Variants in PATJ observed in about 807,000 individuals in gnomAD.
PATJ encodes the protein PATJ crumbs cell polarity complex component, also known as inaD-like protein.
Under a neutral mutation model 224.9 loss-of-function variants are expected in PATJ, and 190 were observed. The ratio of observed to expected loss-of-function variants is 0.84; its 90% confidence interval spans 0.75 to 0.95. The LOEUF is 0.95. Ranked by LOEUF, PATJ falls within the 40% of genes least tolerant of loss-of-function variation. The pLI, the probability that PATJ is intolerant of heterozygous loss-of-function variation, is 0.00. For missense variants in PATJ, 2,121 were observed against 2,270.3 expected, an observed-to-expected ratio of 0.93 and a Z score of 1.34; for synonymous variants, 769 against 820.3, an observed-to-expected ratio of 0.94 and a Z score of 1.07.
rs1558096259 is a variant in PATJ, at chr1:62,051,015, A to G, written c.4082A>G (p.Glu1361Gly). Residue 1361 changes from glutamate (E) to glycine (G), a missense_variant, in exon 31 of 44, where the codon GAA becomes GGA. Glu to Gly is a moderately conservative substitution (Grantham distance 98). Coordinates refer to ENST00000642238, the MANE Select transcript of PATJ (RefSeq NM_001350145.3). ...AGTAGTGAGGAAGATGGCAGCGTCG[A>G]AGTTGGTATTAAACAATTGCCTGAA... ...PISSEEDGSV[E>G]VGIKQLPESE... is the part of the protein sequence containing the mutation. The G allele has an allele frequency of 1.2e-6, 2 of 1,614,026 alleles. No individual in the cohort carries two copies. Among genetic ancestry groups the G allele is most frequent in the Non-Finnish European group, 1.7e-6 (2 of 1,179,884 alleles).
chr1:62,093,172 A>G (rs1048164043), intron 33 of PATJ, among the ~76,000 whole-genome samples: 2 of 152,228 alleles, frequency 1.3e-5, no homozygotes, highest in Non-Finnish European at 1.5e-5. Flanking sequence ...AGCAAGAAAT[A>G]TCATGGTAGA....
rs1180544696 is a variant in PATJ at position 62,144,769 on chromosome 1, A to AT, written c.5272-3515_5272-3514insT. 3.3e-3 allele frequency among the ~76,000 whole-genome samples: 191 copies of AT among 58,616 alleles called. 6 individuals are homozygous for AT. Among genetic ancestry groups the AT allele is most frequent in the African/African-American group, 0.012 (181 of 15,198 alleles). The allele number at this position is 58,616 out of a possible 152,430, so 38.5% of individuals were successfully genotyped here. The stretch of plus-strand genomic sequence containing the variant: ...AAATGCTCTAGAATGTTATTTGCAA[A>AT]AAAAAAAAATATATATATATATATA... On this transcript the variant is annotated intron_variant, in intron 41 of 43. Coordinates refer to ENST00000642238, the MANE Select transcript of PATJ (RefSeq NM_001350145.3).
chr1:61,876,213 G>C (rs978426775), intron 21 of PATJ, among the ~76,000 whole-genome samples: 2 of 152,070 alleles, frequency 1.3e-5, no homozygotes, highest in Admixed American at 1.3e-4. Context: ...AGGCGTCTCT[G>C]AGATGATAAC....
At chr1:62,077,492 C>A (rs530153019) in intron 31 of PATJ, among the ~76,000 whole-genome samples, 61 of 152,022 alleles carry the variant, frequency 4.0e-4, no homozygotes, top group Admixed American at 6.5e-4. Context: ...AGTTCGAGAC[C>A]AGCCTGGGCA....
chr1:61,918,511 G>A (rs143576142), intron 26 of PATJ, among the ~76,000 whole-genome samples: 1 of 151,802 alleles, frequency 6.6e-6, no homozygotes, highest in Non-Finnish European at 1.5e-5. Flanking sequence ...GGGTCTTACC[G>A]TGTTGCCCAG....
chr1:62,092,691 C>T (rs934280396), intron 33 of PATJ, among the ~76,000 whole-genome samples: 1 of 152,054 alleles, frequency 6.6e-6, no homozygotes, highest in African/African-American at 2.4e-5. Flanking sequence ...ACAGGGATTA[C>T]AGGTGTGAGC....
intron 27 of PATJ, among the ~76,000 whole-genome samples, chr1:61,984,890 A>G (rs1043079668): frequency 6.6e-6 from 1 of 152,076 alleles, no homozygotes; most frequent in African/African-American, 2.4e-5. Flanking sequence ...GAGGTCCTTG[A>G]AAACAAATTC....
rs1476346507 is a variant in PATJ, at chr1:61,861,576, A to G, written c.2348A>G (p.Tyr783Cys). 2.0e-5 allele frequency: 28 copies of G among 1,433,846 alleles called. No individual in the cohort carries two copies. The highest frequency in any genetic ancestry group is 2.6e-5 in the Non-Finnish European group (28 of 1,058,654). The allele number at this position is 1,433,846 out of a possible 1,614,324, so 88.8% of individuals were successfully genotyped here. The change falls in exon 19 of 44, where the codon TAT becomes TGT. Residue 783 changes from tyrosine to cysteine, a missense_variant. Coordinates refer to ENST00000642238, the MANE Select transcript of PATJ (RefSeq NM_001350145.3). ...GAAGATAATGAAGAAGAAAGTTGTT[A>G]TATTTTACATTCAAGCAGTAATGAA... ...LVEDNEEESC[Y>C]ILHSSSNEDK...
In PATJ at chr1:61,763,111, A is replaced by G; in HGVS notation, c.121A>G (p.Thr41Ala). The G allele has an allele frequency of 6.2e-7, 1 of 1,610,492 alleles. No homozygotes were observed. The highest frequency in any genetic ancestry group is 8.5e-7 in the Non-Finnish European group (1 of 1,177,730). Residue 41 changes from threonine (T) to alanine (A), a missense_variant, in exon 3 of 44, where the codon ACA (threonine) becomes GCA (alanine). Transcript: ENST00000642238. Reference protein sequence around the residue: ...QNEKLSMFYETLKSPLFNQIL... With the variant: ...QNEKLSMFYEALKSPLFNQIL... ...TGAGAAGTTATCTATGTTTTATGAG[A>G]CACTAAAGAGTCCTCTCTTCAACCA...
chr1:61,772,194 G>A (rs1325929046), intron 6 of PATJ, among the ~76,000 whole-genome samples: 3 of 147,586 alleles, frequency 2.0e-5, no homozygotes, highest in South Asian at 4.5e-4. Flanking sequence ...AGTATTAGGT[G>A]TAATTTATTT....
intron 1 of PATJ, among the ~76,000 whole-genome samples, chr1:61,761,419 G>T (rs899823083): frequency 2.0e-5 from 3 of 152,074 alleles, no homozygotes; most frequent in African/African-American, 4.8e-5. Context: ...CTAAGTTTTC[G>T]GTTGGGGCCC....
chr1:62,152,156 T>C (rs1668696319), intron 42 of PATJ, among the ~76,000 whole-genome samples: 1 of 152,152 alleles, frequency 6.6e-6, no homozygotes. Flanking sequence ...AAAGAGGTTA[T>C]AGTCTGGTAG....
rs956224779 is a variant in PATJ, at chr1:61,869,218, T to C, written c.2835+4585T>C. Among the ~76,000 whole-genome samples the C allele has an allele frequency of 1.8e-4, 26 of 146,934 alleles. 1 individual carries two copies. In the East Asian group the frequency reaches 3.2e-3, roughly 18 times the overall value. On this transcript the variant is annotated intron_variant, in intron 20 of 43. Coordinates refer to ENST00000642238, the MANE Select transcript of PATJ (RefSeq NM_001350145.3). The stretch of plus-strand genomic sequence containing the variant: ...GCCTCCCGGGTTCACGCCATTCTCC[T>C]GCCTCAGCCTCCCAAGTAGCTGGGA...
chr1:62,007,885 G>A (rs576873006), intron 28 of PATJ, among the ~76,000 whole-genome samples: 50 of 152,260 alleles, frequency 3.3e-4, no homozygotes, highest in African/African-American at 1.2e-3. Flanking sequence ...AAATACCATC[G>A]TATTGGGAAT....
At chr1:61,854,237 T>G (rs1663285795) in intron 17 of PATJ, among the ~76,000 whole-genome samples, 1 of 152,222 alleles carries the variant, frequency 6.6e-6, no homozygotes, top group African/African-American at 2.4e-5. Context: ...CTCTACTTTC[T>G]CTGGAAGGTT....
At chr1:61,999,486 G>A (rs61775624) in intron 28 of PATJ, among the ~76,000 whole-genome samples, 1 of 152,004 alleles carries the variant, frequency 6.6e-6, no homozygotes. Flanking sequence ...TGGCCAACAT[G>A]GTGAAACCCC....
In PATJ at chr1:61,766,493, T is replaced by C. The variant is rs1188526718; in HGVS notation, c.384+20T>C. The C allele has an allele frequency of 6.6e-7, 1 of 1,524,096 alleles. No individual in the cohort carries two copies. The highest frequency in any genetic ancestry group is 1.2e-5 in the South Asian group (1 of 81,458). The allele number at this position is 1,524,096 out of a possible 1,614,324, so 94.4% of individuals were successfully genotyped here. On this transcript the variant is annotated intron_variant, in intron 4 of 43. Transcript: ENST00000642238. ...GCTCAGGTAAAGTTGTATCTTCTCA[T>C]GGAAATATTTAGCTTCATTTCTCCT...
chr1:62,112,390 C>G (rs975328382), intron 34 of PATJ, among the ~76,000 whole-genome samples: 1 of 152,130 alleles, frequency 6.6e-6, no homozygotes, highest in Non-Finnish European at 1.5e-5. Context: ...CCTGTAATCC[C>G]AGCTGCTCGG....
chr1:61,934,788 C>A lies in PATJ; in HGVS notation c.3670+6959C>A, dbSNP rs541237815. ...ACGTTATACAAACCTAGTATTTGGC[C>A]GAATTAATGGCAGAGGGTATATGCC... is the stretch of plus-strand genomic sequence containing the variant. On this transcript the variant is annotated intron_variant, in intron 27 of 43. Coordinates refer to ENST00000642238, the MANE Select transcript of PATJ (RefSeq NM_001350145.3). Among the ~76,000 whole-genome samples the A allele has an allele frequency of 2.0e-5, 3 of 152,180 alleles. No homozygotes were observed. In the South Asian group the frequency reaches 6.2e-4, roughly 32 times the overall value.
Sources: allele counts gnomAD v4.1 joint callset (sites outside exome capture counted in the v4.1 genomes callset), GRCh38; gene constraint gnomAD v4.1.1; transcripts MANE v1.5; gene names NCBI Gene and HGNC (gene_info 2026-07-23, HGNC 2026-07-21).